TNIP3: variants seen among roughly 807,000 people sequenced by gnomAD.
TNIP3 encodes TNFAIP3-interacting protein 3.
A neutral mutation model predicts 54.1 loss-of-function variants in TNIP3; 34 were observed. The ratio of observed to expected loss-of-function variants is 0.63; its 90% CI spans 0.48 to 0.84. The LOEUF (loss-of-function observed/expected upper bound fraction) is 0.84. TNIP3 is among the 40% of genes least tolerant of loss of function. The probability of loss-of-function intolerance (pLI) is 0.00; values close to 1 mark genes in which losing one functional copy is unlikely to be tolerated. For missense variants in TNIP3, 366 were observed against 387.6 expected, an observed-to-expected ratio of 0.94 and a Z score of 0.47; for synonymous variants, 134 against 136.8, an observed-to-expected ratio of 0.98 and a Z score of 0.14.
At chr4:121,153,814 A>T (rs1002700196) in intron 5 of TNIP3, among the ~76,000 whole-genome samples, 1 of 152,202 alleles carries the variant, frequency 6.6e-6, no homozygotes, top group East Asian at 1.9e-4. Context: ...TCAGAAGACA[A>T]TTTCTGTTGC....
chr4:121,138,265 C>T (rs10518383), intron 10 of TNIP3, among the ~76,000 whole-genome samples: 2 of 151,982 alleles, frequency 1.3e-5, no homozygotes, highest in African/African-American at 4.8e-5. Flanking sequence ...GTCTAGCAAA[C>T]TCAACCTGGA....
intron 3 of TNIP3, among the ~76,000 whole-genome samples, chr4:121,174,808 A>G (rs1024284619): frequency 1.2e-4 from 19 of 152,224 alleles, no homozygotes; most frequent in African/African-American, 4.3e-4. Flanking sequence ...TGTTTTTATT[A>G]CATTTCATCT....
chr4:121,170,210 A>C (rs751805029), intron 3 of TNIP3, among the ~76,000 whole-genome samples: 6 of 152,218 alleles, frequency 3.9e-5, no homozygotes, highest in Non-Finnish European at 8.8e-5. Flanking sequence ...CTGAGATGCT[A>C]TAAGCTTCTT....
chr4:121,206,658 C>T (rs982340485), intron 2 of TNIP3, among the ~76,000 whole-genome samples: 1 of 152,072 alleles, frequency 6.6e-6, no homozygotes, highest in Non-Finnish European at 1.5e-5. Flanking sequence ...GAGATCCTCC[C>T]ACCTCAGCCT....
At chr4:121,224,184 G>A (rs992029586) in intron 1 of TNIP3, among the ~76,000 whole-genome samples, 48 of 152,062 alleles carry the variant, frequency 3.2e-4, no homozygotes, top group African/African-American at 1.1e-3. Flanking sequence ...CCAATGTGGC[G>A]AAACCCCATC....
At chr4:121,204,823 C>A (rs1218610102) in intron 2 of TNIP3, among the ~76,000 whole-genome samples, 1 of 152,148 alleles carries the variant, frequency 6.6e-6, no homozygotes, top group African/African-American at 2.4e-5. Flanking sequence ...TTTCTATCAG[C>A]TATGTGTAAG....
chr4:121,178,746 T>C (rs555713413), intron 3 of TNIP3, among the ~76,000 whole-genome samples: 3 of 152,250 alleles, frequency 2.0e-5, no homozygotes, highest in Non-Finnish European at 4.4e-5. Context: ...GATAAATCGA[T>C]GTATATTCAG....
chr4:121,189,686 G>A (rs143734148), intron 2 of TNIP3, among the ~76,000 whole-genome samples: 22 of 152,182 alleles, frequency 1.4e-4, no homozygotes, highest in South Asian at 2.1e-4. Context: ...CATTTTCCTC[G>A]GACAAGAAGG....
At chr4:121,211,949 G>A (rs375703190) in intron 2 of TNIP3, among the ~76,000 whole-genome samples, 13 of 152,330 alleles carry the variant, frequency 8.5e-5, no homozygotes, top group East Asian at 7.7e-4. Flanking sequence ...GGAAGTAAAA[G>A]CTGAGTGATT....
intron 2 of TNIP3, among the ~76,000 whole-genome samples, chr4:121,184,510 A>G (rs1724899875): frequency 6.6e-6 from 1 of 152,202 alleles, no homozygotes. Flanking sequence ...TCATATGGGT[A>G]GAGAAATGCG....
chr4:121,132,771 T>C, intron 10 of TNIP3, 109 bp from the exon 11 acceptor site: 1 of 799,778 alleles, frequency 1.3e-6, no homozygotes, highest in Non-Finnish European at 2.0e-6. Context: ...AAAAAAAAAG[T>C]TATGTTATAT....
intron 2 of TNIP3, among the ~76,000 whole-genome samples, chr4:121,209,494 C>T (rs1168076084): frequency 6.6e-6 from 1 of 152,110 alleles, no homozygotes; most frequent in Non-Finnish European, 1.5e-5. Flanking sequence ...AAAAAAACTA[C>T]GCATTTGTGG....
chr4:121,215,227 C>T (rs1169302281), intron 2 of TNIP3, among the ~76,000 whole-genome samples: 1 of 152,134 alleles, frequency 6.6e-6, no homozygotes, highest in Non-Finnish European at 1.5e-5. Context: ...AGATGGGCCT[C>T]TTTTAATGAA....
At chr4:121,148,983 T>C (rs1729584349) in intron 6 of TNIP3, among the ~76,000 whole-genome samples, 1 of 152,220 alleles carries the variant, frequency 6.6e-6, no homozygotes, top group African/African-American at 2.4e-5. Context: ...GGTTCCTTTA[T>C]GTATCCTGTA....
chr4:121,195,330 C>T (rs964995441), intron 2 of TNIP3, among the ~76,000 whole-genome samples: 18 of 152,106 alleles, frequency 1.2e-4, no homozygotes, highest in South Asian at 2.1e-4. Context: ...TAAAATTATT[C>T]TTTAAACAAC....
At chr4:121,213,705 C>T (rs1055261914) in intron 2 of TNIP3, among the ~76,000 whole-genome samples, 36 of 143,296 alleles carry the variant, frequency 2.5e-4, no homozygotes, top group South Asian at 6.6e-4. Flanking sequence ...TCAGCCTGGG[C>T]GACAGAGTAA....
chr4:121,165,806 G>A (rs1407151050), upstream of TNIP3, among the ~76,000 whole-genome samples: 7 of 151,956 alleles, frequency 4.6e-5, no homozygotes, highest in Admixed American at 4.6e-4. Flanking sequence ...TTCATTCAGG[G>A]TTCTGAAAGT....
intron 5 of TNIP3, among the ~76,000 whole-genome samples, chr4:121,152,450 A>G (rs1158966861): frequency 6.6e-6 from 1 of 152,176 alleles, no homozygotes; most frequent in Non-Finnish European, 1.5e-5. Flanking sequence ...GGCTTTAAGC[A>G]TCCTTTTATT....
intron 2 of TNIP3, among the ~76,000 whole-genome samples, chr4:121,198,311 G>T (rs147990845): frequency 1.3e-5 from 2 of 152,100 alleles, no homozygotes; most frequent in East Asian, 3.8e-4. Context: ...GTAAAGAATT[G>T]CATTTAGAGA....
Sources: gnomAD v4.1 joint callset for allele counts (sites outside exome capture counted in the v4.1 genomes callset) on GRCh38, gnomAD v4.1.1 for gene constraint, MANE v1.5 for transcripts, NCBI Gene and HGNC (gene_info 2026-07-23, HGNC 2026-07-21) for gene names.